Variants in CCSER1 observed in about 807,000 individuals in gnomAD.
CCSER1 encodes serine-rich coiled-coil domain-containing protein 1.
CCSER1 carries 41 observed loss-of-function variants against 82.0 expected under a neutral mutation model. The ratio of observed to expected loss-of-function variants is 0.50; its 90% CI spans 0.39 to 0.65. CCSER1 has a LOEUF of 0.65. CCSER1 is among the 30% of genes least tolerant of loss of function. The pLI is 0.00. For missense variants in CCSER1, 1,119 were observed against 1,064.2 expected (o/e 1.05, Z -0.72); for synonymous variants, 414 against 383.9 (o/e 1.08, Z -0.92).
intron 9 of CCSER1, among the ~76,000 whole-genome samples, chr4:90,954,645 G>T (rs1399570080): frequency 2.0e-5 from 3 of 152,030 alleles, no homozygotes; most frequent in Non-Finnish European, 4.4e-5. Flanking sequence ...TAAAACATGT[G>T]CTGAATGAAA....
At chr4:90,931,946 G>C (rs1424198399) in intron 9 of CCSER1, among the ~76,000 whole-genome samples, 3 of 152,094 alleles carry the variant, frequency 2.0e-5, no homozygotes, top group African/African-American at 7.2e-5. Context: ...ACTGTAAAGG[G>C]ATTTTTAACT....
intron 10 of CCSER1, among the ~76,000 whole-genome samples, chr4:91,370,428 G>A (rs1212942518): frequency 1.3e-5 from 2 of 152,106 alleles, no homozygotes. Flanking sequence ...CGGGCATGGT[G>A]GCTCACACCT....
intron 3 of CCSER1, among the ~76,000 whole-genome samples, chr4:90,332,841 CA>C (rs1444431700): frequency 6.6e-6 from 1 of 152,052 alleles, no homozygotes; most frequent in African/African-American, 2.4e-5. Context: ...TTAACCTTGC[CA>C]CAGTATTTTA....
chr4:91,072,381 TACTTA>T (rs1206568157), intron 9 of CCSER1, among the ~76,000 whole-genome samples: 2 of 152,186 alleles, frequency 1.3e-5, no homozygotes, highest in African/African-American at 4.8e-5. Context: ...CAACGTCATT[TACTTA>T]ACTTTTTTTC....
chr4:90,465,316 T>G (rs1763480367), intron 4 of CCSER1, among the ~76,000 whole-genome samples: 1 of 146,994 alleles, frequency 6.8e-6, no homozygotes. Context: ...GCACTTTCCG[T>G]GTTCTTTTTT....
At chr4:90,370,304 G>C (rs1304576193) in intron 3 of CCSER1, 1 of 151,928 alleles carries the variant, frequency 6.6e-6, no homozygotes, top group East Asian at 1.9e-4. Flanking sequence ...TTAAAATTAA[G>C]GTTATAGGAA....
chr4:91,053,304 C>G (rs919247379), intron 9 of CCSER1, among the ~76,000 whole-genome samples: 23 of 152,086 alleles, frequency 1.5e-4, no homozygotes, highest in African/African-American at 4.8e-4. Context: ...ACTAGACATA[C>G]CAAAATGAGT....
chr4:91,108,297 C>T (rs1019463422), intron 10 of CCSER1, among the ~76,000 whole-genome samples: 1 of 152,116 alleles, frequency 6.6e-6, no homozygotes, highest in African/African-American at 2.4e-5. Flanking sequence ...TGAAAATTCA[C>T]AATATATTTG....
chr4:91,040,304 A>C (rs1360843983), intron 9 of CCSER1, among the ~76,000 whole-genome samples: 1 of 152,194 alleles, frequency 6.6e-6, no homozygotes, highest in African/African-American at 2.4e-5. Context: ...AATGTGAAAT[A>C]ATTCATAAAA....
intron 7 of CCSER1, among the ~76,000 whole-genome samples, chr4:90,735,266 A>T (rs1349297221): frequency 1.3e-5 from 2 of 151,964 alleles, no homozygotes; most frequent in African/African-American, 4.8e-5. Context: ...TTCATGAGGG[A>T]TATTGTCCTG....
At chr4:91,596,182 AAT>A (rs1410568993) in intron 10 of CCSER1, among the ~76,000 whole-genome samples, 1 of 151,944 alleles carries the variant, frequency 6.6e-6, no homozygotes, top group Non-Finnish European at 1.5e-5. Flanking sequence ...GATCCTTTTC[AAT>A]ATGTCTTTTT....
intron 7 of CCSER1, among the ~76,000 whole-genome samples, chr4:90,813,722 A>G (rs1647728022): frequency 2.0e-5 from 3 of 152,196 alleles, no homozygotes; most frequent in South Asian, 2.1e-4. Flanking sequence ...ATGTGAAACT[A>G]TAAGTCCAAT....
intron 9 of CCSER1, among the ~76,000 whole-genome samples, chr4:91,082,746 C>T (rs6532271): frequency 0.2 from 29,842 of 151,766 alleles, 3,301 homozygotes; most frequent in African/African-American, 0.28. Context: ...AAAAAGTGGG[C>T]GAAGGATATG....
At chr4:90,407,769 G>T (rs1753956008) in intron 4 of CCSER1, among the ~76,000 whole-genome samples, 1 of 152,166 alleles carries the variant, frequency 6.6e-6, no homozygotes, top group African/African-American at 2.4e-5. Flanking sequence ...TCTCACGGGG[G>T]AGTGCTGGAC....
At position 90,493,164 on chromosome 4, in the gene CCSER1, G is replaced by A. The variant is rs566487320; in HGVS notation, c.1724+24810G>A. Among the ~76,000 whole-genome samples the A allele has an allele frequency of 2.9e-4, 44 of 152,304 alleles. No homozygotes were observed. The East Asian group carries it at 3.3e-3, about 11-fold the overall frequency. ...CCATCAACTGGAAGAAAGGGTATCA[G>A]TGATTGAAGATCAAGTGAATGAAAT... is the stretch of plus-strand genomic sequence containing the variant. On this transcript the variant is annotated intron_variant, in intron 5 of 10. Coordinates refer to ENST00000509176, the MANE Select transcript of CCSER1 (RefSeq NM_001145065.2).
chr4:90,858,767 A>G (rs1764739133), intron 8 of CCSER1, among the ~76,000 whole-genome samples: 1 of 151,928 alleles, frequency 6.6e-6, no homozygotes, highest in African/African-American at 2.4e-5. Flanking sequence ...TGATATATGC[A>G]AGTACTCTAC....
intron 9 of CCSER1, among the ~76,000 whole-genome samples, chr4:90,931,752 A>G (rs888055285): frequency 1.3e-5 from 2 of 152,192 alleles, no homozygotes; most frequent in Non-Finnish European, 1.5e-5. Flanking sequence ...AAAAGGGATA[A>G]TATGTACCAA....
chr4:90,337,588 A>G (rs1433648722), intron 3 of CCSER1, among the ~76,000 whole-genome samples: 1 of 151,064 alleles, frequency 6.6e-6, no homozygotes, highest in Non-Finnish European at 1.5e-5. Flanking sequence ...AGTAATTAAT[A>G]CTAATAAATA....
intron 10 of CCSER1, among the ~76,000 whole-genome samples, chr4:91,480,675 C>CAAAGA (rs1411937774): frequency 1.8e-4 from 28 of 152,228 alleles, no homozygotes; most frequent in African/African-American, 6.5e-4. Context: ...CAGAAGACTA[C>CAAAGA]AGTCATTTCC....
Sources: gnomAD v4.1 joint callset for allele counts (sites outside exome capture counted in the v4.1 genomes callset) on GRCh38, gnomAD v4.1.1 for gene constraint, MANE v1.5 for transcripts, NCBI Gene and HGNC (gene_info 2026-07-23, HGNC 2026-07-21) for gene names.